Variants in BICD1 observed in about 807,000 individuals in gnomAD.
BICD1 encodes BICD cargo adaptor 1, also known as protein bicaudal D homolog 1.
BICD1 carries 35 observed loss-of-function variants against 92.5 expected under a neutral mutation model. The observed-to-expected ratio is 0.38, with a 90% CI of 0.29 to 0.50. The LOEUF (loss-of-function observed/expected upper bound fraction) is 0.50. BICD1 is among the 20% of genes least tolerant of loss of function. The probability of loss-of-function intolerance (pLI) is 0.93; values close to 1 mark genes in which losing one functional copy is unlikely to be tolerated. For missense variants in BICD1, 950 were observed against 1,189.8 expected (o/e 0.80, Z 2.97); for synonymous variants, 429 against 465.1 (o/e 0.92, Z 1.00).
chr12:32,118,092 T>TTTTATTTTATTTA (rs1942009971), intron 1 of BICD1, among the ~76,000 whole-genome samples: 3 of 47,970 alleles, frequency 6.3e-5, no homozygotes, highest in African/African-American at 2.1e-4. Context: ...ATTTTATTTA[T>TTTTATTTTATTTA]TTTTTTTGAG....
chr12:32,348,459 A>G (rs966732837), intron 8 of BICD1, among the ~76,000 whole-genome samples: 1 of 151,218 alleles, frequency 6.6e-6, no homozygotes, highest in East Asian at 2.1e-4. Context: ...ATATATCCAT[A>G]AAGTGAAAGA....
chr12:32,322,667 T>C (rs78701486), intron 4 of BICD1, among the ~76,000 whole-genome samples: 1,660 of 152,264 alleles, frequency 0.011, 35 homozygotes, highest in African/African-American at 0.038. Flanking sequence ...CAAGAGACAG[T>C]GTTCTATTTG....
intron 1 of BICD1, among the ~76,000 whole-genome samples, chr12:32,169,957 T>G (rs1278312424): frequency 6.6e-6 from 1 of 152,182 alleles, no homozygotes; most frequent in African/African-American, 2.4e-5. Flanking sequence ...TATTTAAAGT[T>G]CATATAAGAA....
At chr12:32,130,735 A>T (rs1449163439) in intron 1 of BICD1, among the ~76,000 whole-genome samples, 1 of 152,122 alleles carries the variant, frequency 6.6e-6, no homozygotes, top group African/African-American at 2.4e-5. Flanking sequence ...TTGAGCATAG[A>T]TCATATGTGT....
intron 1 of BICD1, among the ~76,000 whole-genome samples, chr12:32,188,889 G>A (rs1020549530): frequency 7.9e-5 from 12 of 151,960 alleles, no homozygotes; most frequent in Non-Finnish European, 1.3e-4. Flanking sequence ...TACCATGCCT[G>A]GCTAATTTTT....
rs868324185 is a variant in BICD1 at position 32,334,534 on chromosome 12, G to T, written c.2119G>T (p.Ala707Ser). The T allele has an allele frequency of 6.2e-7, 1 of 1,610,072 alleles. No homozygotes were observed. Among genetic ancestry groups the T allele is most frequent in the Non-Finnish European group, 8.5e-7 (1 of 1,178,212 alleles). Reference protein sequence around the residue: ...ANKQTAEVALANLKNKYENEK... With the variant: ...ANKQTAEVALSNLKNKYENEK... ...GCTTTAGACAGCTGAGGTGGCGCTA[G>T]CTAATCTCAAGAACAAATATGAAAA... The change falls in exon 6 of 10, where the codon GCT becomes TCT. Residue 707 changes from alanine to serine, a missense_variant. Around this residue, in one of 5 missense-constraint regions of BICD1, gnomAD observed 309 missense variants for 499.4 expected, o/e 0.62. Coordinates refer to ENST00000652176, the MANE Select transcript of BICD1 (RefSeq NM_001714.4).
At chr12:32,122,446 G>A (rs1435423703) in intron 1 of BICD1, among the ~76,000 whole-genome samples, 1 of 149,552 alleles carries the variant, frequency 6.7e-6, no homozygotes, top group African/African-American at 2.5e-5. Flanking sequence ...CTGAGATCGC[G>A]CCACTGCAGT....
intron 8 of BICD1, among the ~76,000 whole-genome samples, chr12:32,342,008 G>C (rs980444125): frequency 1.1e-3 from 174 of 151,304 alleles, no homozygotes; most frequent in African/African-American, 4.2e-3. Context: ...TTTAAATTCA[G>C]GAGTTTAACC....
At chr12:32,360,356 C>T (rs2136320043) in intron 8 of BICD1, among the ~76,000 whole-genome samples, 1 of 152,154 alleles carries the variant, frequency 6.6e-6, no homozygotes, top group Admixed American at 6.5e-5. Context: ...AGGATTAATA[C>T]CTATATATGT....
intron 2 of BICD1, among the ~76,000 whole-genome samples, chr12:32,262,621 G>A (rs1243086873): frequency 6.6e-6 from 1 of 152,154 alleles, no homozygotes; most frequent in Non-Finnish European, 1.5e-5. Flanking sequence ...TCCATCTCCT[G>A]GGTTACAGTG....
chr12:32,265,530 G>A (rs191627164), intron 2 of BICD1, among the ~76,000 whole-genome samples: 3 of 142,986 alleles, frequency 2.1e-5, no homozygotes, highest in Admixed American at 7.1e-5. Flanking sequence ...GAAACATAGT[G>A]AGACCCCGTT....
intron 4 of BICD1, among the ~76,000 whole-genome samples, chr12:32,314,274 C>T (rs143121998): frequency 1.4e-4 from 21 of 152,028 alleles, no homozygotes; most frequent in Non-Finnish European, 2.4e-4. Context: ...TTTTAATTCC[C>T]GGGGGAGTTA....
chr12:32,376,875 AAG>A lies in BICD1; in HGVS notation c.2841-664_2841-663del, dbSNP rs1491350220. ...ACAACGAGACTCCATCTAAAAAAAA[AAG>A]GGGGGGGGGGGTGAAATATAAAACT... is the stretch of plus-strand genomic sequence containing the variant. On this transcript the variant is annotated intron_variant, in intron 9 of 9. Coordinates refer to ENST00000652176, the MANE Select transcript of BICD1 (RefSeq NM_001714.4). Among the ~76,000 whole-genome samples, 748 of 112,458 alleles carry A rather than the reference AAG, an allele frequency of 6.7e-3. 8 individuals carry two copies. Among genetic ancestry groups the A allele is most frequent in the East Asian group, 0.014 (48 of 3,428 alleles). 73.8% of individuals were successfully genotyped at this position (112,458 alleles called of 152,430 possible).
At chr12:32,120,519 A>G (rs533354390) in intron 1 of BICD1, among the ~76,000 whole-genome samples, 1 of 152,328 alleles carries the variant, frequency 6.6e-6, no homozygotes, top group African/African-American at 2.4e-5. Flanking sequence ...CCACTATTGA[A>G]GAGCTCTTAG....
intron 1 of BICD1, among the ~76,000 whole-genome samples, chr12:32,188,289 T>C (rs1592442478): frequency 6.6e-6 from 1 of 152,164 alleles, no homozygotes; most frequent in South Asian, 2.1e-4. Context: ...AATATCTTAG[T>C]ATGTAAGTCT....
rs1362459546 is a variant in BICD1, at chr12:32,141,999, A to G, written c.213+34455A>G. 3.3e-5 allele frequency among the ~76,000 whole-genome samples: 5 copies of G among 152,270 alleles called. No individual in the cohort carries two copies. The East Asian group carries it at 5.8e-4, about 18-fold the overall frequency. On this transcript the variant is annotated intron_variant, in intron 1 of 9. Transcript: ENST00000652176. ...TTTCAAAAAGGTATAAATCTTATCAATGTTTTACATTTTGCTGAACAAAAC... is the reference window on the plus strand; with the variant it reads ...TTTCAAAAAGGTATAAATCTTATCAGTGTTTTACATTTTGCTGAACAAAAC...
chr12:32,132,504 C>T (rs1052741973), intron 1 of BICD1, among the ~76,000 whole-genome samples: 1 of 151,598 alleles, frequency 6.6e-6, no homozygotes. Flanking sequence ...CAAGCCTTTG[C>T]GGCTCGGAAC....
chr12:32,331,299 C>T (rs550417589), intron 5 of BICD1, among the ~76,000 whole-genome samples: 2 of 152,102 alleles, frequency 1.3e-5, no homozygotes, highest in Non-Finnish European at 2.9e-5. Flanking sequence ...GTAGGAATTC[C>T]GCAATTGCCT....
At chr12:32,311,650 G>C (rs1439884435) in intron 4 of BICD1, among the ~76,000 whole-genome samples, 1 of 152,218 alleles carries the variant, frequency 6.6e-6, no homozygotes, top group Non-Finnish European at 1.5e-5. Flanking sequence ...GAAAGAAAAT[G>C]TTCAGGTTAA....
Sources: allele counts gnomAD v4.1 joint callset (sites outside exome capture counted in the v4.1 genomes callset), GRCh38; gene constraint gnomAD v4.1.1; regional missense constraint gnomAD v4.1.1; transcripts MANE v1.5; gene names NCBI Gene and HGNC (gene_info 2026-07-23, HGNC 2026-07-21).